Variants in ABTB2 observed in about 807,000 individuals in gnomAD.
ABTB2 encodes the protein ankyrin repeat and BTB/POZ domain-containing protein 2.
A neutral mutation model predicts 104.1 loss-of-function variants in ABTB2; 56 were observed. That is an observed-to-expected ratio of 0.54 (90% CI 0.43 to 0.67). ABTB2 has a LOEUF of 0.67. Among genes scored for constraint, ABTB2 ranks in the 30% least tolerant of loss-of-function variants. The pLI is 0.00. For missense variants in ABTB2, 1,279 were observed against 1,407.7 expected (o/e 0.91, Z 1.46); for synonymous variants, 606 against 608.2 (o/e 1.00, Z 0.05).
rs116373605 is a variant in ABTB2, at chr11:34,167,058, C to T, written c.1755+201G>A. On this transcript the variant is annotated intron_variant, in intron 7 of 16. Coordinates refer to ENST00000435224, the MANE Select transcript of ABTB2 (RefSeq NM_145804.3). ...ACCTGGGTCTTGTTTCCTAAAATTC[C>T]ATTTGTCCTTGCACTAACCCCTTTC... 7.5e-3 allele frequency among the ~76,000 whole-genome samples: 1,137 copies of T among 152,330 alleles called. 7 individuals are homozygous for T. Among genetic ancestry groups the T allele is most frequent in the African/African-American group, 0.024 (1,003 of 41,576 alleles).
chr11:34,322,165 C>T (rs17342773), intron 1 of ABTB2, among the ~76,000 whole-genome samples: 2,689 of 152,286 alleles, frequency 0.018, 41 homozygotes, highest in Non-Finnish European at 0.027. Context: ...GTAGGTCTGA[C>T]GTCAAATACC....
chr11:34,153,556 C>T lies in ABTB2; in HGVS notation c.2880+709G>A, dbSNP rs754395514. Among the ~76,000 whole-genome samples, 143 of 152,150 alleles carry T rather than the reference C, an allele frequency of 9.4e-4. 1 individual carries two copies. The highest frequency in any genetic ancestry group is 1.2e-3 in the Non-Finnish European group (82 of 68,032). ...GCTAGTTTGTAGAGGCAGGTTCTTG[C>T]CATGTTTCACAGGCTGGTCTAAACT... On this transcript the variant is annotated intron_variant, in intron 16 of 16. Coordinates refer to ENST00000435224, the MANE Select transcript of ABTB2 (RefSeq NM_145804.3).
At chr11:34,230,906 T>G (rs1401383405) in intron 1 of ABTB2, among the ~76,000 whole-genome samples, 3 of 152,178 alleles carry the variant, frequency 2.0e-5, no homozygotes, top group African/African-American at 7.2e-5. Context: ...AGACAGGGTC[T>G]TACTTTGTTG....
At chr11:34,293,693 GGGGTAA>G (rs1372599151) in intron 1 of ABTB2, among the ~76,000 whole-genome samples, 5 of 152,090 alleles carry the variant, frequency 3.3e-5, no homozygotes, top group Admixed American at 1.3e-4. Flanking sequence ...GAGAGAGACT[GGGGTAA>G]GGGTAAGGGT....
At chr11:34,259,294 G>A (rs1441716750) in intron 1 of ABTB2, among the ~76,000 whole-genome samples, 2 of 152,184 alleles carry the variant, frequency 1.3e-5, no homozygotes, top group African/African-American at 4.8e-5. Flanking sequence ...GCCTGGCAGG[G>A]CAGATCAAAC....
At chr11:34,353,635 C>G (rs1336991313) in intron 1 of ABTB2, among the ~76,000 whole-genome samples, 1 of 152,172 alleles carries the variant, frequency 6.6e-6, no homozygotes, top group Admixed American at 6.5e-5. Context: ...TATTATCCAT[C>G]TTGTGCTGAG....
intron 1 of ABTB2, among the ~76,000 whole-genome samples, chr11:34,343,103 G>C (rs1381058789): frequency 6.6e-6 from 1 of 152,120 alleles, no homozygotes; most frequent in Non-Finnish European, 1.5e-5. Flanking sequence ...CCGAGTAGCT[G>C]GGATTACAGG....
At chr11:34,215,090 C>T (rs948843021) in intron 1 of ABTB2, among the ~76,000 whole-genome samples, 4 of 152,210 alleles carry the variant, frequency 2.6e-5, no homozygotes, top group African/African-American at 9.6e-5. Flanking sequence ...CTTGCTGATG[C>T]TCTGCCCTGC....
At chr11:34,204,809 G>A in intron 1 of ABTB2, 119 bp from the exon 2 acceptor site, 3 of 1,192,298 alleles carry the variant, frequency 2.5e-6, no homozygotes, top group South Asian at 3.2e-5. Context: ...AGAGGTTCAG[G>A]AGGTAAAATC....
chr11:34,341,723 GCAC>G (rs1855264219), intron 1 of ABTB2, among the ~76,000 whole-genome samples: 1 of 152,136 alleles, frequency 6.6e-6, no homozygotes, highest in African/African-American at 2.4e-5. Flanking sequence ...GGTCTCCTGG[GCAC>G]CACAAGATGG....
intron 1 of ABTB2, among the ~76,000 whole-genome samples, chr11:34,214,800 C>T (rs916520028): frequency 2.0e-5 from 3 of 152,022 alleles, no homozygotes; most frequent in Admixed American, 6.6e-5. Flanking sequence ...ATTCTTCATA[C>T]TTTTTAACAA....
intron 1 of ABTB2, among the ~76,000 whole-genome samples, chr11:34,213,723 G>A (rs1191141832): frequency 2.6e-5 from 4 of 152,040 alleles, no homozygotes; most frequent in African/African-American, 4.8e-5. Flanking sequence ...TCTCCTCTTT[G>A]CAAAAGAGTA....
chr11:34,154,553 C>G lies in ABTB2; in HGVS notation c.2766+148G>C. 1.1e-6 allele frequency: 1 copy of G among 895,686 alleles called. No individual in the cohort carries two copies. The highest frequency in any genetic ancestry group is 1.6e-5 in the African/African-American group (1 of 60,698). 55.5% of individuals were successfully genotyped at this position (895,686 alleles called of 1,614,324 possible). On this transcript the variant is annotated intron_variant, in intron 15 of 16. Transcript: ENST00000435224. This position sits in a 1 kb window ranked among gnomAD's most constrained non-coding sequence, Gnocchi z 4.9. The stretch of plus-strand genomic sequence containing the variant: ...CGCTGGGACACGCACTGAGGCTGGG[C>G]TCAGTGGTGTGCACAGTTCCTCTTT...
intron 14 of ABTB2, 110 bp downstream of exon 14, chr11:34,159,186 G>A (rs1484815183): frequency 3.9e-6 from 3 of 770,212 alleles, no homozygotes; most frequent in East Asian, 2.6e-5. Context: ...GAATACAGAA[G>A]GCACTGGGAA....
chr11:34,351,953 C>T (rs1177044728), intron 1 of ABTB2, among the ~76,000 whole-genome samples: 1 of 152,140 alleles, frequency 6.6e-6, no homozygotes, highest in Non-Finnish European at 1.5e-5. Flanking sequence ...TTTTTCATTT[C>T]CAAAGCTTGC....
At chr11:34,204,496 A>G (rs2133040516) in intron 2 of ABTB2, 48 bp downstream of exon 2, 2 of 1,518,268 alleles carry the variant, frequency 1.3e-6, no homozygotes, top group Non-Finnish European at 1.8e-6. Flanking sequence ...CAGCCCTGAG[A>G]CCTCGCCGTT....
At chr11:34,322,284 G>A (rs539833341) in intron 1 of ABTB2, among the ~76,000 whole-genome samples, 74 of 152,280 alleles carry the variant, frequency 4.9e-4, no homozygotes, top group African/African-American at 1.8e-3. Context: ...AGGAAAATTT[G>A]GGTATAGACT....
intron 1 of ABTB2, among the ~76,000 whole-genome samples, chr11:34,273,890 C>T (rs1565156404): frequency 2.0e-5 from 3 of 152,148 alleles, no homozygotes; most frequent in South Asian, 2.1e-4. Flanking sequence ...CGGTGGCTCA[C>T]GCCTGTAATC....
At chr11:34,241,216 T>A (rs1025986737) in intron 1 of ABTB2, among the ~76,000 whole-genome samples, 2 of 152,192 alleles carry the variant, frequency 1.3e-5, no homozygotes, top group Non-Finnish European at 2.9e-5. Context: ...GAATAACAGA[T>A]TACAGTAATC....
Sources: allele counts gnomAD v4.1 joint callset (sites outside exome capture counted in the v4.1 genomes callset), GRCh38; gene constraint gnomAD v4.1.1; non-coding constraint Gnocchi (gnomAD v3.1); transcripts MANE v1.5; gene names NCBI Gene and HGNC (gene_info 2026-07-23, HGNC 2026-07-21).